Variants in BRSK1 observed in about 807,000 individuals in gnomAD.
BRSK1 encodes BR serine/threonine kinase 1.
A neutral mutation model predicts 86.2 loss-of-function variants in BRSK1; 17 were observed. The ratio of observed to expected loss-of-function variants is 0.20; its 90% CI spans 0.14 to 0.30. The LOEUF is 0.30. Among genes scored for constraint, BRSK1 ranks in the 10% least tolerant of loss-of-function variants. The pLI is 1.00. For missense variants in BRSK1, 719 were observed against 1,071.9 expected, an observed-to-expected ratio of 0.67 and a Z score of 4.60; for synonymous variants, 464 against 440.1, an observed-to-expected ratio of 1.05 and a Z score of -0.68.
At chr19:55,286,253 G>A (rs1316787388) in intron 1 of BRSK1, among the ~76,000 whole-genome samples, 3 of 151,564 alleles carry the variant, frequency 2.0e-5, no homozygotes, top group Non-Finnish European at 2.9e-5. Context: ...GGGTCTGAGG[G>A]AGGAGGGGCT....
In BRSK1 at chr19:55,284,583, G is replaced by T. The variant is rs1452031287; in HGVS notation, c.136+5G>T. ...CGCTGGGCAAAGGACAGACAGGTGA[G>T]CCTAGCAGAAGGGGACACCTGGGGC... On this transcript the variant is annotated splice_donor_5th_base_variant and intron_variant, in intron 1 of 18. Coordinates refer to ENST00000309383, the MANE Select transcript of BRSK1 (RefSeq NM_032430.2). 1.6e-6 allele frequency: 2 copies of T among 1,281,102 alleles called. No homozygotes were observed. The highest frequency in any genetic ancestry group is 2.0e-6 in the Non-Finnish European group (2 of 1,004,074). The allele number at this position is 1,281,102 out of a possible 1,614,324, so 79.4% of individuals were successfully genotyped here. A position where few individuals can be genotyped will look rare whatever the true frequency, so the allele number is the denominator to read the frequency against.
At chr19:55,298,106 C>G (rs978359185) in intron 7 of BRSK1, among the ~76,000 whole-genome samples, 5 of 152,018 alleles carry the variant, frequency 3.3e-5, no homozygotes, top group African/African-American at 1.2e-4. Context: ...TGAGCCACTT[C>G]CCCCAGCCCA....
intron 4 of BRSK1, among the ~76,000 whole-genome samples, chr19:55,293,478 G>T (rs1353697016): frequency 6.6e-6 from 1 of 151,604 alleles, no homozygotes; most frequent in South Asian, 2.1e-4. Flanking sequence ...CTCCAGCCTG[G>T]GTGATAGAAT....
intron 17 of BRSK1, 92 bp from the exon 18 acceptor site, chr19:55,308,547 T>C (rs2088701864): frequency 1.1e-6 from 1 of 874,536 alleles, no homozygotes; most frequent in Admixed American, 1.8e-5. Context: ...GGGTGTTGTG[T>C]GCTTGGTGGA....
At position 55,284,541 on chromosome 19, in the gene BRSK1, C is replaced by T; in HGVS notation, c.99C>T (p.Pro33=). ...CCCAGCACGCCCAATATGTGGGCCC[C>T]TATCGGCTGGAGAAGACGCTGGGCA... ...HPPQHAQYVG[P]YRLEKTLGKG... The change falls in exon 1 of 19, where the codon CCC becomes CCT. Residue 33 remains proline, a synonymous_variant. Coordinates refer to ENST00000309383, the MANE Select transcript of BRSK1 (RefSeq NM_032430.2). The T allele has an allele frequency of 7.5e-7, 1 of 1,330,262 alleles. No homozygotes were observed. Among genetic ancestry groups the T allele is most frequent in the South Asian group, 2.1e-5 (1 of 48,508 alleles). The allele number at this position is 1,330,262 out of a possible 1,614,324, so 82.4% of individuals were successfully genotyped here. A position where few individuals can be genotyped will look rare whatever the true frequency, so the allele number is the denominator to read the frequency against.
Position 55,308,673 on chromosome 19 carries a change from C to G in BRSK1, c.2124C>G (p.Thr708=), listed in dbSNP as rs763172771. The G allele has an allele frequency of 2.5e-6, 4 of 1,602,550 alleles. No homozygotes were observed. The highest frequency in any genetic ancestry group is 2.6e-6 in the Non-Finnish European group (3 of 1,174,264). Reference sequence around the variant, plus strand: ...GTCGGTTCAAGCGAGTGGTGGAGACCATCCAGGCACAGCTCCTGAGCACTC... The same window carrying G: ...GTCGGTTCAAGCGAGTGGTGGAGACGATCCAGGCACAGCTCCTGAGCACTC... ...PSRRFKRVVE[T]IQAQLLSTHD... Residue 708 remains threonine, a synonymous_variant, in exon 18 of 19, where the codon ACC becomes ACG. Coordinates refer to ENST00000309383, the MANE Select transcript of BRSK1 (RefSeq NM_032430.2).
Position 55,302,709 on chromosome 19 carries a change from C to CGAGCCAGACCCGTGCCTG in BRSK1, c.878_895dup (p.Asp293_Pro298dup), listed in dbSNP as rs778404767. The CGAGCCAGACCCGTGCCTG allele has an allele frequency of 6.2e-7, 1 of 1,605,954 alleles. No homozygotes were observed. The highest frequency in any genetic ancestry group is 8.5e-7 in the Non-Finnish European group (1 of 1,174,766). ...TCCACTTCCCCAGAGGCGGGAAACA[C>CGAGCCAGACCCGTGCCTG]GAGCCAGACCCGTGCCTGGAGCCAG... On this transcript the variant is annotated inframe_insertion, in exon 10 of 19. Coordinates refer to ENST00000309383, the MANE Select transcript of BRSK1 (RefSeq NM_032430.2). The surrounding 1 kb of genome is among the most constrained non-coding windows in gnomAD (Gnocchi z 6.3).
chr19:55,294,227 G>A lies in BRSK1; in HGVS notation c.589G>A (p.Ala197Thr). 6.2e-7 allele frequency: 1 copy of A among 1,614,036 alleles called. No individual in the cohort carries two copies. The highest frequency in any genetic ancestry group is 1.1e-5 in the South Asian group (1 of 91,064). Residue 197 changes from alanine to threonine, a missense_variant, in exon 6 of 19, where the codon GCG (alanine) becomes ACG (threonine). By Grantham distance (58) the Ala-to-Thr change is moderately conservative. Transcript: ENST00000309383. This position sits in a 1 kb window ranked among gnomAD's most constrained non-coding sequence, Gnocchi z 4.9. ...LETSCGSPHYACPEVIKGEKY... is the reference protein window; with the variant it reads ...LETSCGSPHYTCPEVIKGEKY... ...TCTCTCCCTCAGGTCCCCCCATTAT[G>A]CGTGTCCAGAGGTGATTAAGGTGAG... is the stretch of plus-strand genomic sequence containing the variant.
In BRSK1 at chr19:55,311,913, G is replaced by T. The variant is rs1301025307; in HGVS notation, c.2182G>T (p.Glu728Ter). The T allele has an allele frequency of 5.6e-6, 9 of 1,611,060 alleles. No individual in the cohort carries two copies. The highest frequency in any genetic ancestry group is 7.6e-6 in the Non-Finnish European group (9 of 1,178,920). ...AAAAACCTCTTCCTCCCTTGCAGACGAGAAGAACGGGGCCCAGACCCGGCC... is the reference window on the plus strand; with the variant it reads ...AAAAACCTCTTCCTCCCTTGCAGACTAGAAGAACGGGGCCCAGACCCGGCC... ...DQPSVQALADEKNGAQTRPAG... is the reference protein window; with the variant it reads ...DQPSVQALAD Residue 728 changes from glutamate (E) to a stop codon, truncating the protein, a stop_gained and splice_region_variant, in exon 19 of 19, where the codon GAG becomes TAG. Coordinates refer to ENST00000309383, the MANE Select transcript of BRSK1 (RefSeq NM_032430.2). LOFTEE classifies it high-confidence loss of function.
chr19:55,285,398 C>T (rs747730940), intron 1 of BRSK1, among the ~76,000 whole-genome samples: 2 of 151,996 alleles, frequency 1.3e-5, no homozygotes, highest in Admixed American at 6.5e-5. Context: ...GGGATGGAGG[C>T]GGCCTGCAGA....
At position 55,284,329 on chromosome 19, in the gene BRSK1, G is replaced by T; in HGVS notation, c.-114G>T. The T allele has an allele frequency of 2.3e-6, 2 of 881,464 alleles. No individual in the cohort carries two copies. Among genetic ancestry groups the T allele is most frequent in the Non-Finnish European group, 3.0e-6 (2 of 665,518 alleles). 54.6% of individuals were successfully genotyped at this position (881,464 alleles called of 1,614,324 possible). A position where few individuals can be genotyped will look rare whatever the true frequency, so the allele number is the denominator to read the frequency against. ...GCCCCCTGGGGACCCCCGGAGAGGT[G>T]GGGGGCAGCCGGGGGGGCCGGGACG... On this transcript the variant is annotated 5_prime_UTR_variant, in exon 1 of 19. Coordinates refer to ENST00000309383, the MANE Select transcript of BRSK1 (RefSeq NM_032430.2).
At chr19:55,309,812 G>T (rs1454624517) in intron 18 of BRSK1, among the ~76,000 whole-genome samples, 1 of 152,204 alleles carries the variant, frequency 6.6e-6, no homozygotes, top group Non-Finnish European at 1.5e-5. Context: ...GAGAGCGCCT[G>T]CCCTGGAAAT....
In BRSK1 at chr19:55,312,074, C is replaced by T. The variant is rs754843749; in HGVS notation, c.*6C>T. 46 of 1,410,764 alleles carry T rather than the reference C, an allele frequency of 3.3e-5. No individual in the cohort carries two copies. In the South Asian group the frequency reaches 5.2e-4, roughly 16 times the overall value. 87.4% of individuals were successfully genotyped at this position (1,410,764 alleles called of 1,614,324 possible). On this transcript the variant is annotated 3_prime_UTR_variant, in exon 19 of 19. Coordinates refer to ENST00000309383, the MANE Select transcript of BRSK1 (RefSeq NM_032430.2). ...ACGGGACCCCTCTGCCCTGACCCCA[C>T]GGGGCCGGGGAGGGAGGGGACCCCC... is the stretch of plus-strand genomic sequence containing the variant.
chr19:55,305,456 C>A lies in BRSK1; in HGVS notation c.1767-7C>A. ...TAACCCTCCTCCAACCACCCCCTCC[C>A]ACTCAGGCTGGCAAAACGCTCCTGG... On this transcript the variant is annotated splice_region_variant and splice_polypyrimidine_tract_variant and intron_variant, in intron 15 of 18. Transcript: ENST00000309383. 6.2e-7 allele frequency: 1 copy of A among 1,614,172 alleles called. No homozygotes were observed. Among genetic ancestry groups the A allele is most frequent in the South Asian group, 1.1e-5 (1 of 91,088 alleles).
At chr19:55,293,076 T>C (rs2088432369) in intron 4 of BRSK1, among the ~76,000 whole-genome samples, 1 of 150,400 alleles carries the variant, frequency 6.6e-6, no homozygotes, top group South Asian at 2.1e-4. Flanking sequence ...AAAAACAAAA[T>C]AGGCCGGGCG....
chr19:55,284,518 CA>C lies in BRSK1; in HGVS notation c.77del (p.Gln26ArgfsTer40). 7.6e-7 allele frequency: 1 copy of C among 1,313,402 alleles called. No homozygotes were observed. Among genetic ancestry groups the C allele is most frequent in the Non-Finnish European group, 9.9e-7 (1 of 1,008,370 alleles). 81.4% of individuals were successfully genotyped at this position (1,313,402 alleles called of 1,614,324 possible). A position where few individuals can be genotyped will look rare whatever the true frequency, so the allele number is the denominator to read the frequency against. ...CCCCCACCCCCACCCCCACCCACCCCAGCACGCCCAATATGTGGGCCCCTAT... is the reference window on the plus strand; with the variant it reads ...CCCCCACCCCCACCCCCACCCACCCCGCACGCCCAATATGTGGGCCCCTAT... ...HLPHPHPHPP[Q>X]HAQYVGPYRL... On this transcript the variant is annotated frameshift_variant, in exon 1 of 19. Transcript: ENST00000309383. LOFTEE classifies it high-confidence loss of function.
chr19:55,308,119 C>T (rs907684709), intron 17 of BRSK1, among the ~76,000 whole-genome samples: 1 of 148,874 alleles, frequency 6.7e-6, no homozygotes, highest in Admixed American at 6.7e-5. Flanking sequence ...CTCCTGGGTT[C>T]GAGAGATTCT....
chr19:55,307,813 G>C (rs2122995695), intron 17 of BRSK1, among the ~76,000 whole-genome samples: 1 of 137,248 alleles, frequency 7.3e-6, no homozygotes, highest in Middle Eastern at 3.8e-3. Flanking sequence ...AAAAAGCCCA[G>C]CACGGTGGCA....
chr19:55,284,300 C>A lies in BRSK1; in HGVS notation c.-143C>A. Reference sequence around the variant, plus strand: ...CGGCCCGCCGACTGGGGGGGGCCAGCCCAGCCCCCTGGGGACCCCCGGAGA... The same window carrying A: ...CGGCCCGCCGACTGGGGGGGGCCAGACCAGCCCCCTGGGGACCCCCGGAGA... On this transcript the variant is annotated 5_prime_UTR_variant, in exon 1 of 19. Coordinates refer to ENST00000309383, the MANE Select transcript of BRSK1 (RefSeq NM_032430.2). 1 of 682,068 alleles carries A rather than the reference C, an allele frequency of 1.5e-6. No individual in the cohort carries two copies. Among genetic ancestry groups the A allele is most frequent in the Non-Finnish European group, 2.0e-6 (1 of 488,430 alleles). 42.3% of individuals were successfully genotyped at this position (682,068 alleles called of 1,614,324 possible). A position where few individuals can be genotyped will look rare whatever the true frequency, so the allele number is the denominator to read the frequency against.
Sources: allele counts gnomAD v4.1 joint callset (sites outside exome capture counted in the v4.1 genomes callset), GRCh38; gene constraint gnomAD v4.1.1; non-coding constraint Gnocchi (gnomAD v3.1); transcripts MANE v1.5; gene names NCBI Gene and HGNC (gene_info 2026-07-23, HGNC 2026-07-21).